Variants in MMD observed in about 807,000 individuals in gnomAD.
MMD encodes the protein monocyte to macrophage differentiation associated.
A neutral mutation model predicts 33.6 loss-of-function variants in MMD; 22 were observed. That is an observed-to-expected ratio of 0.66 (90% CI 0.47 to 0.94). The LOEUF (loss-of-function observed/expected upper bound fraction) is 0.94. Ranked by LOEUF, MMD falls within the 40% of genes least tolerant of loss-of-function variation. MMD has a pLI of 0.00. For synonymous variants in MMD, 97 were observed against 103.2 expected (o/e 0.94, Z 0.36); for missense variants, 242 against 309.8 (o/e 0.78, Z 1.64).
Position 55,394,231 on chromosome 17 carries a change from G to A in MMD, c.*103C>T. 2.4e-6 allele frequency: 2 copies of A among 821,036 alleles called. No homozygotes were observed. 50.9% of individuals were successfully genotyped at this position (821,036 alleles called of 1,614,324 possible). A position where few individuals can be genotyped will look rare whatever the true frequency, so the allele number is the denominator to read the frequency against. ...ATTATATTCAAAAGATATAAAGTCA[G>A]TGCAGTTATTTTTTTTCTTTCCCTG... is the stretch of plus-strand genomic sequence containing the variant. On this transcript the variant is annotated 3_prime_UTR_variant, in exon 7 of 7. Coordinates refer to ENST00000262065, the MANE Select transcript of MMD (RefSeq NM_012329.3).
intron 4 of MMD, among the ~76,000 whole-genome samples, chr17:55,407,489 C>T (rs140358916): frequency 5.5e-4 from 83 of 152,244 alleles, no homozygotes; most frequent in African/African-American, 1.8e-3. Flanking sequence ...GCTATCTGCA[C>T]ACAAGTTCAT....
intron 4 of MMD, among the ~76,000 whole-genome samples, chr17:55,406,740 G>T (rs1236573148): frequency 1.3e-5 from 2 of 152,046 alleles, no homozygotes; most frequent in African/African-American, 2.4e-5. Context: ...ACAAAAATTA[G>T]CTCGGTGTGG....
chr17:55,414,405 A>C (rs1434666855), intron 1 of MMD, among the ~76,000 whole-genome samples, 173 bp from the exon 2 acceptor site: 1 of 152,206 alleles, frequency 6.6e-6, no homozygotes, highest in Non-Finnish European at 1.5e-5. Context: ...GCCAATAGCA[A>C]TGATCCTTAA....
chr17:55,421,650 C>G lies in MMD; in HGVS notation c.26+20G>C, dbSNP rs1248228355. On this transcript the variant is annotated intron_variant, in intron 1 of 6. Transcript: ENST00000262065. Reference sequence around the variant, plus strand: ...CCGCTTCTGACACGGGCAGCGGGACCGGGACGCCATCCCTCTCACCGCTGG... The same window carrying G: ...CCGCTTCTGACACGGGCAGCGGGACGGGGACGCCATCCCTCTCACCGCTGG... 1.9e-6 allele frequency: 3 copies of G among 1,599,540 alleles called. No homozygotes were observed. Among genetic ancestry groups the G allele is most frequent in the African/African-American group, 2.7e-5 (2 of 73,758 alleles).
intron 6 of MMD, among the ~76,000 whole-genome samples, chr17:55,397,559 T>C (rs552525505): frequency 1.7e-4 from 25 of 150,316 alleles, no homozygotes; most frequent in Middle Eastern, 3.6e-3. Flanking sequence ...GAGTCTCATG[T>C]TGTTGCCTAG....
intron 3 of MMD, among the ~76,000 whole-genome samples, chr17:55,410,274 C>T (rs1397836350): frequency 1.3e-5 from 2 of 152,180 alleles, no homozygotes; most frequent in African/African-American, 4.8e-5. Flanking sequence ...TCTCATAAAT[C>T]TCAAATCCTG....
intron 4 of MMD, among the ~76,000 whole-genome samples, chr17:55,407,064 C>G (rs1332425390): frequency 6.6e-6 from 1 of 151,998 alleles, no homozygotes; most frequent in Non-Finnish European, 1.5e-5. Flanking sequence ...CACGGTGGCT[C>G]ACGCCTGTAA....
intron 1 of MMD, among the ~76,000 whole-genome samples, chr17:55,416,507 G>A (rs981068043): frequency 6.6e-6 from 1 of 152,172 alleles, no homozygotes; most frequent in African/African-American, 2.4e-5. Flanking sequence ...TATCCTGGAA[G>A]CAATTCTCTA....
chr17:55,394,051 A>AT lies in MMD; in HGVS notation c.*282dup, dbSNP rs1312645950. On this transcript the variant is annotated 3_prime_UTR_variant, in exon 7 of 7. Coordinates refer to ENST00000262065, the MANE Select transcript of MMD (RefSeq NM_012329.3). Reference sequence around the variant, plus strand: ...AAAATCATGTAGTAAAATCTGTAAAATTAAAATATAAAAGTCTGGTTTGTA... The same window carrying AT: ...AAAATCATGTAGTAAAATCTGTAAAATTTAAAATATAAAAGTCTGGTTTGTA... The AT allele has an allele frequency of 1.3e-5, 3 of 230,016 alleles. No homozygotes were observed. The Admixed American group carries it at 1.7e-4, about 13-fold the overall frequency. 14.2% of individuals were successfully genotyped at this position (230,016 alleles called of 1,614,324 possible).
intron 4 of MMD, among the ~76,000 whole-genome samples, chr17:55,407,299 A>AAAATAAATAAATAAATAAATAAAT (rs59882220): frequency 7.0e-6 from 1 of 142,578 alleles, no homozygotes. Flanking sequence ...ACTCCATCTC[A>AAAATAAATAAATAAATAAATAAAT]AAATAAATAA....
At chr17:55,414,320 C>T in intron 1 of MMD, 88 bp from the exon 2 acceptor site, 1 of 1,241,750 alleles carries the variant, frequency 8.1e-7, no homozygotes, top group Non-Finnish European at 1.2e-6. Context: ...GTGGTCTATT[C>T]TACGCAAAGA....
At position 55,411,382 on chromosome 17, in the gene MMD, G is replaced by A. The variant is rs1174113330; in HGVS notation, c.144C>T (p.Leu48=). ...LIVPAIVGSA[L]LHRLSDDCWE... ...AGCAGTCATCAGACAGCCGATGGAG[G>A]AGGGCACTGCCCACGATGGCCGGAA... Residue 48 remains leucine, a synonymous_variant, in exon 3 of 7, where the codon CTC becomes CTT. Transcript: ENST00000262065. The A allele has an allele frequency of 1.2e-6, 2 of 1,614,094 alleles. No homozygotes were observed. Among genetic ancestry groups the A allele is most frequent in the South Asian group, 2.2e-5 (2 of 91,074 alleles).
rs1037762713 is a variant in MMD at position 55,396,701 on chromosome 17, C to T, written c.517-2167G>A. Among the ~76,000 whole-genome samples, 8 of 152,052 alleles carry T rather than the reference C, an allele frequency of 5.3e-5. No individual in the cohort carries two copies. In the South Asian group the frequency reaches 6.2e-4, roughly 12 times the overall value. The stretch of plus-strand genomic sequence containing the variant: ...CATGATCTCAGCTCACTGCAAACTC[C>T]GCCTCCCAGGTTCAAGTGGATTCTC... On this transcript the variant is annotated intron_variant, in intron 6 of 6. Transcript: ENST00000262065.
At chr17:55,418,856 G>A (rs1284740097) in intron 1 of MMD, among the ~76,000 whole-genome samples, 6 of 152,172 alleles carry the variant, frequency 3.9e-5, no homozygotes. Flanking sequence ...CATGAGGTTG[G>A]GGCTGAGGAA....
intron 3 of MMD, among the ~76,000 whole-genome samples, chr17:55,408,870 G>A (rs1032548688): frequency 3.3e-5 from 5 of 152,000 alleles, no homozygotes; most frequent in South Asian, 4.1e-4. Context: ...GTGTGGTGGC[G>A]CACGCCTGTA....
At chr17:55,395,853 G>A (rs1001149531) in intron 6 of MMD, among the ~76,000 whole-genome samples, 1 of 152,204 alleles carries the variant, frequency 6.6e-6, no homozygotes, top group Non-Finnish European at 1.5e-5. Context: ...ATTTGTGTGT[G>A]TATTAGGAGC....
intron 6 of MMD, among the ~76,000 whole-genome samples, chr17:55,400,210 C>A (rs941336060): frequency 1.3e-5 from 2 of 152,180 alleles, no homozygotes; most frequent in East Asian, 1.9e-4. Flanking sequence ...ACTTTTAAAC[C>A]TTTTATAGGT....
At chr17:55,394,703 C>T (rs1487506356) in intron 6 of MMD, among the ~76,000 whole-genome samples, 169 bp from the exon 7 acceptor site, 1 of 152,214 alleles carries the variant, frequency 6.6e-6, no homozygotes, top group Non-Finnish European at 1.5e-5. Flanking sequence ...GTCTCTTATA[C>T]ATCGACCTGG....
chr17:55,412,863 A>AT (rs142976165), intron 2 of MMD, among the ~76,000 whole-genome samples: 2,186 of 152,334 alleles, frequency 0.014, 53 homozygotes, highest in African/African-American at 0.05. Flanking sequence ...ATTTAAAGGA[A>AT]TGCCCTTTAT....
Sources: gnomAD v4.1 joint callset for allele counts (sites outside exome capture counted in the v4.1 genomes callset) on GRCh38, gnomAD v4.1.1 for gene constraint, MANE v1.5 for transcripts, NCBI Gene and HGNC (gene_info 2026-07-23, HGNC 2026-07-21) for gene names.